The following PTGES3 variants were observed in gnomAD, a reference collection of about 807,000 sequenced individuals.
PTGES3 encodes Hsp90 co-chaperone.
A neutral mutation model predicts 29.9 loss-of-function variants in PTGES3; 5 were observed. That is an observed-to-expected ratio of 0.17 (90% CI 0.09 to 0.35). The LOEUF (loss-of-function observed/expected upper bound fraction) is 0.35, where lower values mean the gene tolerates loss of function less well. PTGES3 is among the 10% of genes least tolerant of loss of function. The probability of loss-of-function intolerance (pLI) is 1.00; values close to 1 mark genes in which losing one functional copy is unlikely to be tolerated. For synonymous variants in PTGES3, 49 were observed against 57.8 expected (o/e 0.85, Z 0.69); for missense variants, 128 against 190.0 (o/e 0.67, Z 1.92).
At chr12:56,684,244 T>C (rs1266035013) in intron 1 of PTGES3, among the ~76,000 whole-genome samples, 1 of 151,808 alleles carries the variant, frequency 6.6e-6, no homozygotes, top group African/African-American at 2.4e-5. Context: ...ATCCAATTAG[T>C]CAGGAGAATC....
At chr12:56,678,055 T>G (rs1370520490) in intron 1 of PTGES3, among the ~76,000 whole-genome samples, 1 of 151,716 alleles carries the variant, frequency 6.6e-6, no homozygotes, top group Admixed American at 6.6e-5. Flanking sequence ...GTCAGACATT[T>G]ATAGGCAAGG....
Position 56,663,605 on chromosome 12 carries a change from CCAA to C in PTGES3, c.*871_*873del, listed in dbSNP as rs1951685053. On this transcript the variant is annotated 3_prime_UTR_variant, in exon 8 of 8. Transcript: ENST00000262033. ...CTTAAAAGGACAGCCAAGAAGTCTT[CCAA>C]CAGTTTATTAGAAAGAATGTAGACA... 1 of 152,518 alleles carries C rather than the reference CCAA, an allele frequency of 6.6e-6. No homozygotes were observed. Among genetic ancestry groups the C allele is most frequent in the African/African-American group, 2.4e-5 (1 of 41,416 alleles). 9.4% of individuals were successfully genotyped at this position (152,518 alleles called of 1,614,324 possible).
Position 56,688,260 on chromosome 12 carries a change from G to A in PTGES3, c.-261C>T, listed in dbSNP as rs1237529800. On this transcript the variant is annotated 5_prime_UTR_variant, in exon 1 of 8. In the 5' UTR this introduces an upstream ATG that the reference lacks. Coordinates refer to ENST00000262033, the MANE Select transcript of PTGES3 (RefSeq NM_006601.7). ...GCGCGAGGACGGAGAATGAACGTGC[G>A]TGCGTGCAAACGAGGGGTGGTGAGG... The A allele has an allele frequency of 5.3e-6, 3 of 570,632 alleles. No individual in the cohort carries two copies. The highest frequency in any genetic ancestry group is 3.9e-5 in the African/African-American group (2 of 50,728). 35.3% of individuals were successfully genotyped at this position (570,632 alleles called of 1,614,324 possible).
intron 1 of PTGES3, among the ~76,000 whole-genome samples, chr12:56,675,552 A>G (rs907964427): frequency 8.6e-5 from 13 of 150,560 alleles, no homozygotes; most frequent in African/African-American, 2.0e-4. Context: ...TGTGAATGAG[A>G]TAAGAGATAT....
chr12:56,678,343 A>G (rs1050183972), intron 1 of PTGES3, among the ~76,000 whole-genome samples: 1 of 151,972 alleles, frequency 6.6e-6, no homozygotes, highest in South Asian at 2.1e-4. Flanking sequence ...AAGCCTGGCT[A>G]ATTTTTGTTT....
At chr12:56,687,669 G>A in intron 1 of PTGES3, 2 of 1,251,350 alleles carry the variant, frequency 1.6e-6, no homozygotes, top group Non-Finnish European at 2.0e-6. Flanking sequence ...GCTTCAGGGC[G>A]CCGCATGGCG....
intron 1 of PTGES3, among the ~76,000 whole-genome samples, chr12:56,683,679 G>A (rs1048556514): frequency 2.0e-4 from 30 of 147,380 alleles, no homozygotes; most frequent in African/African-American, 7.5e-4. Flanking sequence ...AAAACTATGG[G>A]CCGGGCGCGG....
In PTGES3 at chr12:56,670,281, G is replaced by A. The variant is rs1951952979; in HGVS notation, c.369C>T (p.Phe123=). 6.2e-7 allele frequency: 1 copy of A among 1,610,028 alleles called. No individual in the cohort carries two copies. Among genetic ancestry groups the A allele is most frequent in the Non-Finnish European group, 8.5e-7 (1 of 1,176,830 alleles). The change falls in exon 5 of 8, where the codon TTC becomes TTT. Residue 123 remains phenylalanine (F), a synonymous_variant. Transcript: ENST00000262033. ...TCCATTTAAAGGAACTTACCTCAGAGAAACGATCAAAATTAGACATGTCTT... is the reference window on the plus strand; with the variant it reads ...TCCATTTAAAGGAACTTACCTCAGAAAAACGATCAAAATTAGACATGTCTT... The part of the protein sequence containing the change: ...SDEDMSNFDR[F]SEMMNNMGGD...
At chr12:56,672,277 G>A (rs916699741) in intron 3 of PTGES3, among the ~76,000 whole-genome samples, 1 of 152,180 alleles carries the variant, frequency 6.6e-6, no homozygotes, top group African/African-American at 2.4e-5. Context: ...GCCGAGGCAG[G>A]TGGAACACCT....
chr12:56,674,656 C>T (rs1016537058), intron 1 of PTGES3, among the ~76,000 whole-genome samples: 5 of 151,508 alleles, frequency 3.3e-5, no homozygotes, highest in South Asian at 2.1e-4. Context: ...GAAACCCTGT[C>T]TCTACTAAAA....
intron 1 of PTGES3, among the ~76,000 whole-genome samples, chr12:56,679,408 CAA>C (rs770485836): frequency 5.4e-4 from 35 of 65,116 alleles, no homozygotes; most frequent in African/African-American, 1.7e-3. Context: ...GACTCTGCCT[CAA>C]AAAAAAAAAA....
intron 6 of PTGES3, 81 bp from the exon 7 acceptor site, chr12:56,664,881 G>A (rs921339008): frequency 1.9e-6 from 3 of 1,557,826 alleles, no homozygotes; most frequent in Non-Finnish European, 2.6e-6. Flanking sequence ...AAGTTCAAGT[G>A]CTATATTTTT....
chr12:56,667,773 T>C (rs972508684), intron 5 of PTGES3, among the ~76,000 whole-genome samples: 3 of 152,218 alleles, frequency 2.0e-5, no homozygotes, highest in African/African-American at 7.2e-5. Context: ...CTGTACAGCA[T>C]TATGCCTATA....
At chr12:56,676,002 G>A (rs1412719052) in intron 1 of PTGES3, among the ~76,000 whole-genome samples, 1 of 151,962 alleles carries the variant, frequency 6.6e-6, no homozygotes, top group Non-Finnish European at 1.5e-5. Flanking sequence ...CAAGGCTGAT[G>A]GATCACCTGG....
chr12:56,683,558 G>A (rs1341020985), intron 1 of PTGES3, among the ~76,000 whole-genome samples: 1 of 149,420 alleles, frequency 6.7e-6, no homozygotes, highest in Non-Finnish European at 1.5e-5. Flanking sequence ...AGCTGAGGCA[G>A]AGAACTACTT....
intron 1 of PTGES3, 132 bp downstream of exon 1, chr12:56,687,866 G>A: frequency 6.5e-7 from 1 of 1,548,338 alleles, no homozygotes; most frequent in Non-Finnish European, 8.6e-7. Flanking sequence ...CAAGGATCCT[G>A]GACCTCCCGC....
chr12:56,668,123 A>G (rs1450348088), intron 5 of PTGES3, among the ~76,000 whole-genome samples: 2 of 152,158 alleles, frequency 1.3e-5, no homozygotes, highest in African/African-American at 4.8e-5. Flanking sequence ...AAATAAATAA[A>G]TAGTCTGTTA....
chr12:56,687,552 T>C (rs1952936700), intron 1 of PTGES3: 1 of 1,012,182 alleles, frequency 9.9e-7, no homozygotes, highest in Non-Finnish European at 1.2e-6. Context: ...GCCAGGCACC[T>C]GGCGGCACCC....
rs1282388952 is a variant in PTGES3 at position 56,664,374 on chromosome 12, C to G, written c.*105G>C. 7.6e-7 allele frequency: 1 copy of G among 1,322,460 alleles called. No individual in the cohort carries two copies. Among genetic ancestry groups the G allele is most frequent in the African/African-American group, 1.5e-5 (1 of 67,522 alleles). 81.9% of individuals were successfully genotyped at this position (1,322,460 alleles called of 1,614,324 possible). A position where few individuals can be genotyped will look rare whatever the true frequency, so the allele number is the denominator to read the frequency against. Reference sequence around the variant, plus strand: ...AAAAATGGGTTAAAGTAGGCAAATACAGCATATCTGCCTTTAGAGCTATCA... The same window carrying G: ...AAAAATGGGTTAAAGTAGGCAAATAGAGCATATCTGCCTTTAGAGCTATCA... On this transcript the variant is annotated 3_prime_UTR_variant, in exon 8 of 8. Transcript: ENST00000262033.
Sources: allele counts gnomAD v4.1 joint callset (sites outside exome capture counted in the v4.1 genomes callset), GRCh38; gene constraint gnomAD v4.1.1; transcripts MANE v1.5; gene names NCBI Gene and HGNC (gene_info 2026-07-23, HGNC 2026-07-21).